The following ARL3 variants were observed in gnomAD, a reference collection of about 807,000 sequenced individuals.
ARL3 encodes ARF like GTPase 3, also known as ADP-ribosylation factor-like protein 3.
Under a neutral mutation model 26.0 loss-of-function variants are expected in ARL3, and 9 were observed. The ratio of observed to expected loss-of-function variants is 0.35; its 90% confidence interval spans 0.21 to 0.60. ARL3 has a LOEUF of 0.60. ARL3 is among the 20% of genes least tolerant of loss of function. The probability of loss-of-function intolerance (pLI) is 0.78; values close to 1 mark genes in which losing one functional copy is unlikely to be tolerated. For missense variants in ARL3, 158 were observed against 215.7 expected (o/e 0.73, Z 1.67); for synonymous variants, 71 against 78.4 (o/e 0.91, Z 0.50).
chr10:102,677,419 G>C (rs1240288318), intron 5 of ARL3, among the ~76,000 whole-genome samples: 3 of 152,162 alleles, frequency 2.0e-5, no homozygotes, highest in Non-Finnish European at 4.4e-5. Flanking sequence ...ACCTACTGCA[G>C]TGAGTGTTGC....
At chr10:102,694,147 C>T (rs2064235123) in intron 3 of ARL3, among the ~76,000 whole-genome samples, 1 of 152,098 alleles carries the variant, frequency 6.6e-6, no homozygotes, top group Non-Finnish European at 1.5e-5. Context: ...GCCACCGCGC[C>T]CGGCTAATTT....
intron 3 of ARL3, among the ~76,000 whole-genome samples, chr10:102,694,535 TTC>T (rs2064237101): frequency 6.6e-6 from 1 of 152,154 alleles, no homozygotes; most frequent in Admixed American, 6.5e-5. Context: ...TGGGTCTAGA[TTC>T]TTTTTTTTTT....
chr10:102,677,632 CCTACAG>C (rs1334192877), intron 5 of ARL3, among the ~76,000 whole-genome samples: 1 of 152,200 alleles, frequency 6.6e-6, no homozygotes, highest in Non-Finnish European at 1.5e-5. Flanking sequence ...TCACACAATG[CCTACAG>C]CTACCTGGCA....
chr10:102,705,357 T>C lies in ARL3; in HGVS notation c.136A>G (p.Thr46Ala). ...AAGGCAGTGCTCACCTGTGTAGGTG[T>C]GATGTGGCTGATGTCTTCAGATGCA... ...QLASEDISHI[T>A]PTQGFNIKSV... is the part of the protein sequence containing the mutation. Residue 46 changes from threonine (T) to alanine (A), a missense_variant, in exon 2 of 6, where the codon ACA (threonine) becomes GCA (alanine). Transcript: ENST00000260746. The C allele has an allele frequency of 6.2e-7, 1 of 1,606,422 alleles. No homozygotes were observed. Among genetic ancestry groups the C allele is most frequent in the Admixed American group, 1.7e-5 (1 of 59,818 alleles).
chr10:102,679,020 C>T (rs2064142994), intron 5 of ARL3, among the ~76,000 whole-genome samples: 1 of 152,246 alleles, frequency 6.6e-6, no homozygotes, highest in East Asian at 1.9e-4. Flanking sequence ...GTGTGGGAAG[C>T]ACAGGGAGCG....
intron 1 of ARL3, among the ~76,000 whole-genome samples, chr10:102,709,670 G>A (rs7089279): frequency 0.27 from 37,475 of 140,512 alleles, 5,186 homozygotes; most frequent in Middle Eastern, 0.35. Flanking sequence ...AAAAAAAAGA[G>A]ACAAACATAA....
rs1398766208 is a variant in ARL3 at position 102,675,069 on chromosome 10, C to T, written c.*1825G>A. On this transcript the variant is annotated 3_prime_UTR_variant, in exon 6 of 6. Transcript: ENST00000260746. Reference sequence around the variant, plus strand: ...AAACAATTTGCAAGTGCTAGAGCCACATTTGCAGCCTGGTAGAAGGGGGAT... The same window carrying T: ...AAACAATTTGCAAGTGCTAGAGCCATATTTGCAGCCTGGTAGAAGGGGGAT... 4 of 152,208 alleles carry T rather than the reference C, an allele frequency of 2.6e-5. No homozygotes were observed. The highest frequency in any genetic ancestry group is 7.2e-5 in the African/African-American group (3 of 41,452). The allele number at this position is 152,208 out of a possible 1,614,324, so 9.4% of individuals were successfully genotyped here. A position where few individuals can be genotyped will look rare whatever the true frequency, so the allele number is the denominator to read the frequency against.
At chr10:102,681,972 C>T (rs1328302812) in intron 5 of ARL3, among the ~76,000 whole-genome samples, 1 of 152,072 alleles carries the variant, frequency 6.6e-6, no homozygotes, top group East Asian at 1.9e-4. Context: ...TTCTCTGGCT[C>T]TAAGCCAGAT....
intron 5 of ARL3, among the ~76,000 whole-genome samples, chr10:102,683,881 A>C (rs910087793): frequency 2.0e-5 from 3 of 152,186 alleles, no homozygotes; most frequent in Admixed American, 6.5e-5. Context: ...TCTCTGAAGC[A>C]GTGTCCTTGA....
chr10:102,688,531 T>A (rs1375633953), intron 4 of ARL3, among the ~76,000 whole-genome samples: 1 of 141,350 alleles, frequency 7.1e-6, no homozygotes, highest in Non-Finnish European at 1.5e-5. Context: ...AGAGGGAGTC[T>A]CACTCTGTCA....
intron 4 of ARL3, among the ~76,000 whole-genome samples, chr10:102,688,290 C>CTCCA (rs2064198134): frequency 6.6e-6 from 1 of 152,128 alleles, no homozygotes; most frequent in African/African-American, 2.4e-5. Context: ...ACATAGGACC[C>CTCCA]CCTCCACCTC....
chr10:102,705,515 T>C, intron 1 of ARL3, 26 bp from the exon 2 acceptor site: 2 of 1,548,076 alleles, frequency 1.3e-6, no homozygotes, highest in Non-Finnish European at 1.8e-6. Context: ...AGGAGACAGA[T>C]TACTCTGGGG....
intron 1 of ARL3, among the ~76,000 whole-genome samples, chr10:102,708,510 AT>A (rs1348657741): frequency 6.6e-5 from 10 of 152,130 alleles, no homozygotes; most frequent in Non-Finnish European, 1.3e-4. Flanking sequence ...CTTCTCATGC[AT>A]TTTCTGCTTA....
chr10:102,700,159 C>T lies in ARL3; in HGVS notation c.148-670G>A, dbSNP rs552936263. Among the ~76,000 whole-genome samples, 3 of 152,210 alleles carry T rather than the reference C, an allele frequency of 2.0e-5. No individual in the cohort carries two copies. The South Asian group carries it at 6.2e-4, about 32-fold the overall frequency. On this transcript the variant is annotated intron_variant, in intron 2 of 5. Transcript: ENST00000260746. ...GGGTGCGTAGCTCACGCCTGTAATC[C>T]CAGCACTCTGGGAGGCCGAGGCGGA... is the stretch of plus-strand genomic sequence containing the variant.
chr10:102,711,394 ATGTG>A (rs753149630), intron 1 of ARL3, among the ~76,000 whole-genome samples: 3 of 151,152 alleles, frequency 2.0e-5, no homozygotes, highest in East Asian at 1.9e-4. Flanking sequence ...ATATATATGT[ATGTG>A]TGTGTGTGTT....
Position 102,674,142 on chromosome 10 carries a change from A to T in ARL3, c.*2752T>A, listed in dbSNP as rs1322474463. ...AAATTTGTCAAAAGCAAGGAGAGAG[A>T]AGTGGAGACGGAGGGAGGGAGGAAG... On this transcript the variant is annotated 3_prime_UTR_variant, in exon 6 of 6. Coordinates refer to ENST00000260746, the MANE Select transcript of ARL3 (RefSeq NM_004311.4). The T allele has an allele frequency of 6.6e-6, 1 of 152,630 alleles. No homozygotes were observed. Among genetic ancestry groups the T allele is most frequent in the Non-Finnish European group, 1.5e-5 (1 of 68,052 alleles). The allele number at this position is 152,630 out of a possible 1,614,324, so 9.5% of individuals were successfully genotyped here.
intron 1 of ARL3, among the ~76,000 whole-genome samples, chr10:102,708,908 A>ATATATATATATATATATTTT: frequency 9.4e-5 from 9 of 95,320 alleles, no homozygotes; most frequent in African/African-American, 2.1e-4. Context: ...ATATATATAT[A>ATATATATATATATATATTTT]TTTTTTTTTT....
At chr10:102,709,948 C>T (rs964666454) in intron 1 of ARL3, among the ~76,000 whole-genome samples, 5 of 151,770 alleles carry the variant, frequency 3.3e-5, no homozygotes, top group East Asian at 1.9e-4. Flanking sequence ...GCAGGAGAAT[C>T]GCTTGAACCT....
At chr10:102,707,156 G>A (rs951148074) in intron 1 of ARL3, among the ~76,000 whole-genome samples, 1 of 152,092 alleles carries the variant, frequency 6.6e-6, no homozygotes, top group Non-Finnish European at 1.5e-5. Context: ...AAATAAGCCA[G>A]GCATGGTGGC....
Sources: allele counts gnomAD v4.1 joint callset (sites outside exome capture counted in the v4.1 genomes callset), GRCh38; gene constraint gnomAD v4.1.1; transcripts MANE v1.5; gene names NCBI Gene and HGNC (gene_info 2026-07-23, HGNC 2026-07-21).